Variants in TTN observed in about 807,000 individuals in gnomAD.
The protein encoded by TTN is titin.
In TTN, 1,525 loss-of-function variants were observed where a neutral mutation model predicts 3,223.0. The ratio of observed to expected loss-of-function variants is 0.47; its 90% confidence interval spans 0.45 to 0.49. TTN has a LOEUF of 0.49. TTN is among the 20% of genes least tolerant of loss of function. The pLI is 0.00. For synonymous variants in TTN, 14,094 were observed against 15,161.0 expected (o/e 0.93, Z 5.17); for missense variants, 40,786 against 43,424.0 (o/e 0.94, Z 5.40).
chr2:178,760,224 T>A (rs1271511276), intron 43 of TTN, among the ~76,000 whole-genome samples: 1 of 152,074 alleles, frequency 6.6e-6, no homozygotes, highest in African/African-American at 2.4e-5. Flanking sequence ...CCTTAGATAG[T>A]AAGGTAAAGT....
rs761550395 is a variant in TTN at position 178,583,716 on chromosome 2, A to G, written c.65466T>C (p.Thr21822=). The change falls in exon 312 of 363, where the codon ACT becomes ACC. Residue 21822 remains threonine (T), a synonymous_variant. Transcript: ENST00000589042. ...GATACTGAGCTTTCTCTTCTAGGCCAGTAGCTGTGTACTCTTCCTGGGGAA... is the reference window on the plus strand; with the variant it reads ...GATACTGAGCTTTCTCTTCTAGGCCGGTAGCTGTGTACTCTTCCTGGGGAA... The part of the protein sequence containing the change: ...HQIPQEEYTA[T]GLEEKAQYQF... 9.3e-6 allele frequency: 15 copies of G among 1,612,332 alleles called. No individual in the cohort carries two copies. The highest frequency in any genetic ancestry group is 7.6e-6 in the Non-Finnish European group (9 of 1,179,240).
rs1214985099 is a variant in TTN, at chr2:178,587,660, C to T, written c.63649G>A (p.Val21217Ile). The T allele has an allele frequency of 6.2e-7, 1 of 1,612,888 alleles. No individual in the cohort carries two copies. Among genetic ancestry groups the T allele is most frequent in the South Asian group, 1.1e-5 (1 of 91,040 alleles). Residue 21217 changes from valine (V) to isoleucine (I), a missense_variant, in exon 306 of 363, where the codon GTC becomes ATC. By Grantham distance (29) the Val-to-Ile change is conservative. Coordinates refer to ENST00000589042, the MANE Select transcript of TTN (RefSeq NM_001267550.2). ...TWRKVGIDNV[V>I]RKGQVDLVDT... ...ACCAGATCAACTTGTCCTTTTCTGA[C>T]CACATTATCAATGCCAACTTTTCGC...
rs1304608171 is a variant in TTN at position 178,718,431 on chromosome 2, A to C, written c.24675T>G (p.Ser8225=). 1.6e-5 allele frequency: 26 copies of C among 1,613,650 alleles called. No homozygotes were observed. The highest frequency in any genetic ancestry group is 1.9e-5 in the Non-Finnish European group (23 of 1,179,752). The stretch of plus-strand genomic sequence containing the variant: ...TGCTCTCAAGAATTTCCAGTATGGT[A>C]GATTTTTCTGTCATAGTAATACTGC... ...ERCSITMTEK[S]TILEILESTI... is the part of the protein sequence containing the mutation. The change falls in exon 85 of 363, where the codon TCT becomes TCG. Residue 8225 remains serine (S), a synonymous_variant. Coordinates refer to ENST00000589042, the MANE Select transcript of TTN (RefSeq NM_001267550.2).
chr2:178,701,927 A>G (rs1047422369), intron 109 of TTN, 113 bp downstream of exon 109: 5 of 1,129,208 alleles, frequency 4.4e-6, no homozygotes, highest in Non-Finnish European at 6.3e-6. Flanking sequence ...TTATTGAAAA[A>G]TATTTTACCC....
chr2:178,550,719 C>G, intron 336 of TTN: 1 of 503,832 alleles, frequency 2.0e-6, no homozygotes, highest in Non-Finnish European at 3.5e-6. Context: ...GCGAAAATTA[C>G]AAAGCTAAAA....
At position 178,717,807 on chromosome 2, in the gene TTN, C is replaced by A. The variant is rs376290076; in HGVS notation, c.25067G>T (p.Arg8356Leu). The A allele has an allele frequency of 6.2e-7, 1 of 1,604,258 alleles. No homozygotes were observed. Among genetic ancestry groups the A allele is most frequent in the Non-Finnish European group, 8.5e-7 (1 of 1,175,004 alleles). ...TCTTGCAAAGAAAGGTGGAAGTTTG[C>A]GCGCTGTAAAGAAGTTACAGATAAT... ...ASSAVLVIKA[R>L]KLPPFFARKL... The change falls in exon 87 of 363, where the codon CGC (arginine) becomes CTC (leucine). Residue 8356 changes from arginine (R) to leucine (L), a missense_variant. Arg to Leu is a moderately radical substitution (Grantham distance 102). Coordinates refer to ENST00000589042, the MANE Select transcript of TTN (RefSeq NM_001267550.2).
Position 178,721,035 on chromosome 2 carries a change from A to C in TTN, c.22984T>G (p.Ser7662Ala). 6.2e-7 allele frequency: 1 copy of C among 1,613,396 alleles called. No homozygotes were observed. The highest frequency in any genetic ancestry group is 1.1e-5 in the South Asian group (1 of 91,054). ...SWKYNMSFIN[S>A]VALLTINEAS... The stretch of plus-strand genomic sequence containing the variant: ...TCATTGATCGTAAGCAATGCCACAG[A>C]ATTAATGAATGACATGTTGTATTTC... Residue 7662 changes from serine (S) to alanine (A), a missense_variant, in exon 79 of 363, where the codon TCT becomes GCT. Ser to Ala is a moderately conservative substitution (Grantham distance 99). Coordinates refer to ENST00000589042, the MANE Select transcript of TTN (RefSeq NM_001267550.2).
intron 326 of TTN, 142 bp downstream of exon 326, chr2:178,559,169 G>T: frequency 1.5e-6 from 1 of 682,532 alleles, no homozygotes; most frequent in Non-Finnish European, 2.3e-6. Flanking sequence ...ATTCCATTTT[G>T]TGCCATAGTA....
chr2:178,536,423 C>T lies in TTN; in HGVS notation c.100324G>A (p.Val33442Met), dbSNP rs1691526659. The T allele has an allele frequency of 6.2e-7, 1 of 1,613,426 alleles. No individual in the cohort carries two copies. The highest frequency in any genetic ancestry group is 1.1e-5 in the South Asian group (1 of 91,060). The change falls in exon 357 of 363, where the codon GTG (valine) becomes ATG (methionine). Residue 33442 changes from valine to methionine, a missense_variant. Coordinates refer to ENST00000589042, the MANE Select transcript of TTN (RefSeq NM_001267550.2). ...GTTTCTCGAATTTCTTCTGTTGTCA[C>T]AGAAATCCATTTATTCTGCTTCTTC... ...REKKQNKWIS[V>M]TTEEIRETVF... is the part of the protein sequence containing the mutation.
chr2:178,701,664 A>T (rs2075027774), intron 109 of TTN, 77 bp from the exon 110 acceptor site: 1 of 1,403,922 alleles, frequency 7.1e-7, no homozygotes, highest in Admixed American at 1.8e-5. Context: ...TGTTTGATTT[A>T]TTAGATCCTG....
In TTN at chr2:178,539,879, T is replaced by G. The variant is rs1368497531; in HGVS notation, c.98186A>C (p.Lys32729Thr). 1.2e-6 allele frequency: 2 copies of G among 1,613,834 alleles called. No homozygotes were observed. Among genetic ancestry groups the G allele is most frequent in the Non-Finnish European group, 1.7e-6 (2 of 1,179,772 alleles). The change falls in exon 352 of 363, where the codon AAA (lysine) becomes ACA (threonine). Residue 32729 changes from lysine to threonine, a missense_variant. Transcript: ENST00000589042. The part of the protein sequence containing the change: ...GGVIRLTIPI[K>T]GKPFPICKWT... ...TTTACATATTGGGAATGGTTTTCCT[T>G]TGATTGGTATGGTAAGTCTGATGAC...
At chr2:178,802,465 A>G (rs2094117015) in intron 2 of TTN, 124 bp from the exon 3 acceptor site, 2 of 1,070,512 alleles carry the variant, frequency 1.9e-6, no homozygotes, top group African/African-American at 1.6e-5. Context: ...ATGCCACTTA[A>G]TGATAGGGAA....
chr2:178,739,126 T>A lies in TTN; in HGVS notation c.14092+15A>T. 1 of 1,502,646 alleles carries A rather than the reference T, an allele frequency of 6.7e-7. No individual in the cohort carries two copies. Among genetic ancestry groups the A allele is most frequent in the Non-Finnish European group, 8.9e-7 (1 of 1,127,290 alleles). 93.1% of individuals were successfully genotyped at this position (1,502,646 alleles called of 1,614,324 possible). ...GAATGTTAGCATTTGATCTATTTTA[T>A]CCTTAAAATCCAACCTCTTTTTACT... On this transcript the variant is annotated intron_variant, in intron 48 of 362. Transcript: ENST00000589042.
chr2:178,774,655 T>G (rs2154345260), intron 29 of TTN, 182 bp from the exon 30 acceptor site: 1 of 700,716 alleles, frequency 1.4e-6, no homozygotes, highest in East Asian at 2.8e-5. Flanking sequence ...TTATTTTAAT[T>G]TTTAAATATT....
At chr2:178,676,038 CA>C (rs1560287729) in intron 147 of TTN, 43 bp from the exon 148 acceptor site, 6 of 1,539,826 alleles carry the variant, frequency 3.9e-6, no homozygotes, top group East Asian at 2.4e-5. Flanking sequence ...TTTTGAAGGA[CA>C]AAAAAAGAGA....
At chr2:178,664,189 T>G in intron 168 of TTN, 91 bp from the exon 169 acceptor site, 1 of 1,305,748 alleles carries the variant, frequency 7.7e-7, no homozygotes, top group Non-Finnish European at 1.1e-6. Flanking sequence ...AGCTATTTTT[T>G]TCTCCTGAGC....
chr2:178,651,469 T>C lies in TTN; in HGVS notation c.39531A>G (p.Glu13177=). 1 of 1,611,584 alleles carries C rather than the reference T, an allele frequency of 6.2e-7. No homozygotes were observed. The highest frequency in any genetic ancestry group is 8.5e-7 in the Non-Finnish European group (1 of 1,179,174). ...KVPLVVPKKP[E]APPAKVPEVP... ...CACATATACCTTTAGCAGGTGGGGC[T>C]TCTGGCTTTTTGGGAACCACCAGAG... Residue 13177 remains glutamate (E), a synonymous_variant, in exon 207 of 363, where the codon GAA becomes GAG. Coordinates refer to ENST00000589042, the MANE Select transcript of TTN (RefSeq NM_001267550.2).
chr2:178,677,266 G>T lies in TTN; in HGVS notation c.34313C>A (p.Pro11438His). Reference sequence around the variant, plus strand: ...AACAGGGACTTTCTTCTCTGGTACAGGTTTCTTTGGCACTTCAGGCACTTA... The same window carrying T: ...AACAGGGACTTTCTTCTCTGGTACATGTTTCTTTGGCACTTCAGGCACTTA... Reference protein sequence around the residue: ...PAPVPEVPKKPVPEKKVPVPA... With the variant: ...PAPVPEVPKKHVPEKKVPVPA... The change falls in exon 147 of 363, where the codon CCT becomes CAT. Residue 11438 changes from proline (P) to histidine (H), a missense_variant. Physicochemically the swap from Pro to His is moderately conservative, Grantham distance 77 (BLOSUM62 -2). Coordinates refer to ENST00000589042, the MANE Select transcript of TTN (RefSeq NM_001267550.2). 3 of 1,209,762 alleles carry T rather than the reference G, an allele frequency of 2.5e-6. No individual in the cohort carries two copies. Among genetic ancestry groups the T allele is most frequent in the Non-Finnish European group, 3.1e-6 (3 of 977,594 alleles). The allele number at this position is 1,209,762 out of a possible 1,614,324, so 74.9% of individuals were successfully genotyped here. A position where few individuals can be genotyped will look rare whatever the true frequency, so the allele number is the denominator to read the frequency against.
At position 178,792,215 on chromosome 2, in the gene TTN, A is replaced by G. The variant is rs1057520497; in HGVS notation, c.1537-18T>C. ...TTTCTTATCTGCAAAGAATGATTTA[A>G]GAAAAAACTTTATTTCCTGATGCCC... On this transcript the variant is annotated intron_variant, in intron 9 of 362. Transcript: ENST00000589042. 1 of 1,597,210 alleles carries G rather than the reference A, an allele frequency of 6.3e-7. No individual in the cohort carries two copies. Among genetic ancestry groups the G allele is most frequent in the Non-Finnish European group, 8.5e-7 (1 of 1,175,206 alleles).
Sources: allele counts gnomAD v4.1 joint callset (sites outside exome capture counted in the v4.1 genomes callset), GRCh38; gene constraint gnomAD v4.1.1; transcripts MANE v1.5; gene names NCBI Gene and HGNC (gene_info 2026-07-23, HGNC 2026-07-21).